Variants in SLC4A4 observed in about 807,000 individuals in gnomAD.
The protein encoded by SLC4A4 is solute carrier family 4 member 4, also known as electrogenic sodium bicarbonate cotransporter 1.
Under a neutral mutation model 111.5 loss-of-function variants are expected in SLC4A4, and 27 were observed. The ratio of observed to expected loss-of-function variants is 0.24; its 90% CI spans 0.18 to 0.33. The LOEUF is 0.33. Among genes scored for constraint, SLC4A4 ranks in the 10% least tolerant of loss-of-function variants. The pLI is 1.00. For synonymous variants in SLC4A4, 443 were observed against 463.4 expected (o/e 0.96, Z 0.57); for missense variants, 909 against 1,315.5 (o/e 0.69, Z 4.78).
rs61184918 is a variant in SLC4A4 at position 71,297,509 on chromosome 4, A to AACACACAC, written c.254-41826_254-41819dup. ...CTGGCTTGATACACACACACAGACA[A>AACACACAC]ACACACACACACACACACACACACA... On this transcript the variant is annotated intron_variant, in intron 3 of 25. Transcript: ENST00000264485. Among the ~76,000 whole-genome samples the AACACACAC allele has an allele frequency of 2.6e-3, 343 of 132,130 alleles. 1 individual carries two copies. The highest frequency in any genetic ancestry group is 3.9e-3 in the Non-Finnish European group (241 of 61,770). 86.7% of individuals were successfully genotyped at this position (132,130 alleles called of 152,430 possible).
chr4:71,347,787 G>A (rs1349987137), intron 4 of SLC4A4, among the ~76,000 whole-genome samples: 2 of 152,080 alleles, frequency 1.3e-5, no homozygotes, highest in Admixed American at 1.3e-4. Flanking sequence ...GGAAGTAAAG[G>A]CCTTGTAAAA....
intron 2 of SLC4A4, among the ~76,000 whole-genome samples, chr4:71,099,310 T>C (rs956443213): frequency 5.3e-5 from 8 of 152,258 alleles, no homozygotes; most frequent in African/African-American, 1.9e-4. Context: ...CTGAAAACCA[T>C]GCAATTTCAT....
intron 14 of SLC4A4, among the ~76,000 whole-genome samples, chr4:71,480,791 G>T (rs747695139): frequency 4.0e-5 from 6 of 151,708 alleles, no homozygotes; most frequent in Middle Eastern, 3.2e-3. Context: ...GTAACCCTAA[G>T]AAGCCATGTT....
At chr4:71,131,903 C>T (rs925130060) in intron 2 of SLC4A4, among the ~76,000 whole-genome samples, 2 of 152,060 alleles carry the variant, frequency 1.3e-5, no homozygotes, top group Non-Finnish European at 2.9e-5. Context: ...ATCAGACACT[C>T]CAGATGGAGC....
chr4:71,333,586 G>A (rs533827473), intron 3 of SLC4A4, among the ~76,000 whole-genome samples: 1 of 152,338 alleles, frequency 6.6e-6, no homozygotes, highest in Middle Eastern at 3.4e-3. Flanking sequence ...TCACCATGTG[G>A]TGAATCCAGC....
chr4:71,209,468 T>C (rs1423086508), intron 1 of SLC4A4, among the ~76,000 whole-genome samples: 1 of 152,234 alleles, frequency 6.6e-6, no homozygotes, highest in Admixed American at 6.5e-5. Context: ...TCTTTTCTTC[T>C]TCTTTTGAAT....
At chr4:71,266,284 G>A (rs981341716) in intron 3 of SLC4A4, among the ~76,000 whole-genome samples, 10 of 152,142 alleles carry the variant, frequency 6.6e-5, no homozygotes, top group Non-Finnish European at 1.2e-4. Flanking sequence ...AATACCATAT[G>A]TTAGTTCATT....
intron 20 of SLC4A4, among the ~76,000 whole-genome samples, chr4:71,551,324 A>G (rs1269256247): frequency 6.6e-6 from 1 of 151,860 alleles, no homozygotes; most frequent in African/African-American, 2.4e-5. Flanking sequence ...TTGTATTTGG[A>G]AAATATTTGT....
At chr4:71,089,361 T>A (rs200064769) in intron 1 of SLC4A4, among the ~76,000 whole-genome samples, 1,120 of 130,970 alleles carry the variant, frequency 8.6e-3, no homozygotes, top group African/African-American at 0.013. Context: ...TTTAGCTTGG[T>A]GTAGTTTGAT....
In SLC4A4 at chr4:71,555,136, C is replaced by A; in HGVS notation, c.2695-4C>A. Reference sequence around the variant, plus strand: ...TTAAGTTGTATCCATTTTTTTCCTTCTAGTTTATACCCATGCCTGTACTCT... The same window carrying A: ...TTAAGTTGTATCCATTTTTTTCCTTATAGTTTATACCCATGCCTGTACTCT... On this transcript the variant is annotated splice_polypyrimidine_tract_variant and splice_region_variant and intron_variant, in intron 20 of 25. Coordinates refer to ENST00000264485, the MANE Select transcript of SLC4A4 (RefSeq NM_001098484.3). The A allele has an allele frequency of 6.9e-6, 11 of 1,598,208 alleles. No individual in the cohort carries two copies. Among genetic ancestry groups the A allele is most frequent in the Non-Finnish European group, 9.4e-6 (11 of 1,166,824 alleles).
intron 7 of SLC4A4, among the ~76,000 whole-genome samples, chr4:71,432,463 TG>T (rs1174031465): frequency 6.6e-6 from 1 of 152,306 alleles, no homozygotes; most frequent in Non-Finnish European, 1.5e-5. Context: ...GGCAACTTGA[TG>T]TTTTTTTAGG....
chr4:71,136,111 G>C (rs937432775), intron 2 of SLC4A4, among the ~76,000 whole-genome samples: 2 of 152,164 alleles, frequency 1.3e-5, no homozygotes, highest in Non-Finnish European at 2.9e-5. Flanking sequence ...TTAGAGCCAA[G>C]CCCTTTGTGA....
chr4:71,512,439 T>A (rs1052454157), intron 16 of SLC4A4, among the ~76,000 whole-genome samples: 1 of 152,204 alleles, frequency 6.6e-6, no homozygotes, highest in Non-Finnish European at 1.5e-5. Context: ...TGTTACTGTG[T>A]CTTCTTTTGA....
intron 2 of SLC4A4, among the ~76,000 whole-genome samples, chr4:71,122,355 T>A (rs1743457542): frequency 6.6e-6 from 1 of 150,860 alleles, no homozygotes; most frequent in South Asian, 2.1e-4. Context: ...ACAATTTTAG[T>A]CACCTTCAGT....
intron 1 of SLC4A4, among the ~76,000 whole-genome samples, chr4:71,211,655 G>C (rs1332329346): frequency 6.6e-6 from 1 of 152,152 alleles, no homozygotes; most frequent in Non-Finnish European, 1.5e-5. Flanking sequence ...TAATTTGGTG[G>C]ACAGATTTTT....
At chr4:71,501,809 G>A (rs1578055895) in intron 16 of SLC4A4, among the ~76,000 whole-genome samples, 3 of 150,738 alleles carry the variant, frequency 2.0e-5, no homozygotes, top group East Asian at 2.0e-4. Context: ...CTACAGGGGC[G>A]TGCCACCATG....
At chr4:71,485,568 A>T (rs1424643453) in intron 14 of SLC4A4, among the ~76,000 whole-genome samples, 1 of 95,282 alleles carries the variant, frequency 1.0e-5, no homozygotes, top group Non-Finnish European at 3.2e-5. Flanking sequence ...ACAGAATAAG[A>T]ACACAGATAA....
intron 1 of SLC4A4, among the ~76,000 whole-genome samples, chr4:71,066,745 C>G (rs1057300879): frequency 3.3e-5 from 5 of 152,106 alleles, no homozygotes; most frequent in Admixed American, 6.5e-5. Context: ...CGATAGAATC[C>G]CTACTGAAGA....
intron 1 of SLC4A4, among the ~76,000 whole-genome samples, chr4:71,207,998 C>T (rs1020398723): frequency 6.6e-6 from 1 of 152,138 alleles, no homozygotes; most frequent in Non-Finnish European, 1.5e-5. Flanking sequence ...TTTATAGAGA[C>T]AGGGTCTTGC....
Sources: gnomAD v4.1 joint callset for allele counts (sites outside exome capture counted in the v4.1 genomes callset) on GRCh38, gnomAD v4.1.1 for gene constraint, MANE v1.5 for transcripts, NCBI Gene and HGNC (gene_info 2026-07-23, HGNC 2026-07-21) for gene names.